The following SSRP1 variants were observed in gnomAD, a reference collection of about 807,000 sequenced individuals.
SSRP1 encodes the protein structure specific recognition protein 1.
SSRP1 carries 21 observed loss-of-function variants against 84.4 expected under a neutral mutation model. The observed-to-expected ratio is 0.25, with a 90% CI of 0.18 to 0.36. The LOEUF (loss-of-function observed/expected upper bound fraction) is 0.36, where lower values mean the gene tolerates loss of function less well. SSRP1 is among the 10% of genes least tolerant of loss of function. SSRP1 has a pLI of 1.00. For synonymous variants in SSRP1, 319 were observed against 318.3 expected, an observed-to-expected ratio of 1.00 and a Z score of -0.02; for missense variants, 519 against 900.8, an observed-to-expected ratio of 0.58 and a Z score of 5.43.
Position 57,332,004 on chromosome 11 carries a change from GTTCTGACAGAGGC to G in SSRP1, c.1002-128_1002-116del. 1.3e-6 allele frequency: 2 copies of G among 1,505,480 alleles called. No individual in the cohort carries two copies. The highest frequency in any genetic ancestry group is 2.8e-5 in the African/African-American group (2 of 72,496). 93.3% of individuals were successfully genotyped at this position (1,505,480 alleles called of 1,614,324 possible). ...TCGACTAAGTAAACCTCACTGAGCT[GTTCTGACAGAGGC>G]GCTGGCACCTATTGTGACACAAGGT... On this transcript the variant is annotated intron_variant, in intron 8 of 16. Coordinates refer to ENST00000278412, the MANE Select transcript of SSRP1 (RefSeq NM_003146.3). This position sits in a 1 kb window ranked among gnomAD's most constrained non-coding sequence, Gnocchi z 5.5.
At chr11:57,327,368 T>TAAA in intron 15 of SSRP1, 58 bp downstream of exon 15, 2 of 1,299,340 alleles carry the variant, frequency 1.5e-6, no homozygotes, top group South Asian at 1.3e-5. Flanking sequence ...TTCGGCCTGT[T>TAAA]AAAAAAAAAA....
At position 57,327,474 on chromosome 11, in the gene SSRP1, T is replaced by C; in HGVS notation, c.1823A>G (p.Glu608Gly). 6.2e-7 allele frequency: 1 copy of C among 1,614,146 alleles called. No individual in the cohort carries two copies. The highest frequency in any genetic ancestry group is 8.5e-7 in the Non-Finnish European group (1 of 1,180,042). The change falls in exon 15 of 17, where the codon GAA becomes GGA. Residue 608 changes from glutamate to glycine, a missense_variant. By Grantham distance (98) the Glu-to-Gly change is moderately conservative (BLOSUM62 -2). Coordinates refer to ENST00000278412, the MANE Select transcript of SSRP1 (RefSeq NM_003146.3). ...RKAEDARRDY[E>G]KAMKEYEGGR... is the part of the protein sequence containing the mutation. ...CCCTTCATATTCTTTCATGGCTTTT[T>C]CATAGTCCCTCCTGGCATCCTCAGC...
At chr11:57,331,926 C>G (rs781670957) in intron 8 of SSRP1, 37 bp from the exon 9 acceptor site, 1 of 1,582,308 alleles carries the variant, frequency 6.3e-7, no homozygotes, top group Non-Finnish European at 8.6e-7. Context: ...TAGTGCCAAC[C>G]TCAGCAGAGG....
At position 57,330,047 on chromosome 11, in the gene SSRP1, C is replaced by G. The variant is rs759114441; in HGVS notation, c.1481+46G>C. 6.2e-7 allele frequency: 1 copy of G among 1,612,256 alleles called. No individual in the cohort carries two copies. The highest frequency in any genetic ancestry group is 1.3e-5 in the African/African-American group (1 of 74,896). Reference sequence around the variant, plus strand: ...TCCAGAAATCTTCTGGTCCCTTAAGCTTATGGGTCACCATCTTATCCCCAC... The same window carrying G: ...TCCAGAAATCTTCTGGTCCCTTAAGGTTATGGGTCACCATCTTATCCCCAC... On this transcript the variant is annotated intron_variant, in intron 12 of 16. Coordinates refer to ENST00000278412, the MANE Select transcript of SSRP1 (RefSeq NM_003146.3). This position sits in a 1 kb window ranked among gnomAD's most constrained non-coding sequence, Gnocchi z 4.0.
In SSRP1 at chr11:57,326,364, G is replaced by C; in HGVS notation, c.*43C>G. ...GTACCAAAATATGGGTGGGGAGTCGGGGGGTGTGAGAAGGCAAGCGCAAAG... is the reference window on the plus strand; with the variant it reads ...GTACCAAAATATGGGTGGGGAGTCGCGGGGTGTGAGAAGGCAAGCGCAAAG... On this transcript the variant is annotated 3_prime_UTR_variant, in exon 17 of 17. Transcript: ENST00000278412. The C allele has an allele frequency of 1.9e-6, 3 of 1,588,552 alleles. No homozygotes were observed. The highest frequency in any genetic ancestry group is 2.6e-6 in the Non-Finnish European group (3 of 1,157,660).
chr11:57,334,370 A>T, intron 3 of SSRP1, 93 bp downstream of exon 3: 1 of 1,464,522 alleles, frequency 6.8e-7, no homozygotes. Flanking sequence ...ACTAGCAATC[A>T]CAGGGTTACA....
Position 57,332,513 on chromosome 11 carries a change from C to T in SSRP1, c.769-27G>A. On this transcript the variant is annotated intron_variant, in intron 6 of 16. Coordinates refer to ENST00000278412, the MANE Select transcript of SSRP1 (RefSeq NM_003146.3). The surrounding 1 kb of genome is among the most constrained non-coding windows in gnomAD (Gnocchi z 5.5). ...TAGTAAGGAAGAGTACTAATTGACA[C>T]TCTACAACAACTTGCAATTAACCAA... is the stretch of plus-strand genomic sequence containing the variant. The T allele has an allele frequency of 6.2e-7, 1 of 1,612,492 alleles. No individual in the cohort carries two copies. Among genetic ancestry groups the T allele is most frequent in the South Asian group, 1.1e-5 (1 of 91,024 alleles).
rs1856071783 is a variant in SSRP1, at chr11:57,330,712, G to A, written c.1296+143C>T. The A allele has an allele frequency of 2.0e-6, 3 of 1,494,832 alleles. No individual in the cohort carries two copies. Among genetic ancestry groups the A allele is most frequent in the East Asian group, 2.4e-5 (1 of 40,846 alleles). The allele number at this position is 1,494,832 out of a possible 1,614,324, so 92.6% of individuals were successfully genotyped here. ...CATGCAGAGGAAACCTGCACCAGGAGGGGGAAAGGGTCACACGCACCTCTT... is the reference window on the plus strand; with the variant it reads ...CATGCAGAGGAAACCTGCACCAGGAAGGGGAAAGGGTCACACGCACCTCTT... On this transcript the variant is annotated intron_variant, in intron 10 of 16. Transcript: ENST00000278412. This position sits in a 1 kb window ranked among gnomAD's most constrained non-coding sequence, Gnocchi z 4.0.
chr11:57,326,962 T>TA (rs1486023308), intron 15 of SSRP1, 73 bp from the exon 16 acceptor site: 4 of 1,466,238 alleles, frequency 2.7e-6, no homozygotes, highest in Non-Finnish European at 2.7e-6. Flanking sequence ...CTCCCAGCTT[T>TA]AACAAGGCCT....
At chr11:57,327,076 A>G in intron 15 of SSRP1, 187 bp from the exon 16 acceptor site, 1 of 1,156,500 alleles carries the variant, frequency 8.6e-7, no homozygotes, top group Non-Finnish European at 1.2e-6. Context: ...GAAGAATCAG[A>G]GGGCACAGCC....
chr11:57,329,884 C>A, intron 12 of SSRP1: 1 of 647,708 alleles, frequency 1.5e-6, no homozygotes, highest in Non-Finnish European at 2.7e-6. Flanking sequence ...CCATAGATCC[C>A]ACTATACTTT....
chr11:57,332,103 G>A lies in SSRP1; in HGVS notation c.1001+49C>T, dbSNP rs771120591. ...CAGGAAGGGTTTACCAAGGAGACACGGCATTTCCCATACCCAGGCAGGGCA... is the reference window on the plus strand; with the variant it reads ...CAGGAAGGGTTTACCAAGGAGACACAGCATTTCCCATACCCAGGCAGGGCA... On this transcript the variant is annotated intron_variant, in intron 8 of 16. Coordinates refer to ENST00000278412, the MANE Select transcript of SSRP1 (RefSeq NM_003146.3). The surrounding 1 kb of genome is among the most constrained non-coding windows in gnomAD (Gnocchi z 5.5). The A allele has an allele frequency of 5.0e-6, 8 of 1,611,004 alleles. No homozygotes were observed. Among genetic ancestry groups the A allele is most frequent in the African/African-American group, 2.7e-5 (2 of 74,934 alleles).
Position 57,335,014 on chromosome 11 carries a change from A to G in SSRP1, c.54+54T>C. 1 of 1,595,806 alleles carries G rather than the reference A, an allele frequency of 6.3e-7. No individual in the cohort carries two copies. The highest frequency in any genetic ancestry group is 8.6e-7 in the Non-Finnish European group (1 of 1,163,860). On this transcript the variant is annotated intron_variant, in intron 2 of 16. Transcript: ENST00000278412. This position sits in a 1 kb window ranked among gnomAD's most constrained non-coding sequence, Gnocchi z 4.6. ...AGCAAGCTCTCATTAATGGACAAAA[A>G]CTCTACCCTCCTTCCTTCTCTCTAC...
chr11:57,335,355 G>A lies in SSRP1; in HGVS notation c.-119-115C>T, dbSNP rs1033186277. ...GGATGTCTCAGGATTTCCTCTGCCT[G>A]GAAACCTACAGACGGACGCTGCAGT... On this transcript the variant is annotated intron_variant, in intron 1 of 16. Coordinates refer to ENST00000278412, the MANE Select transcript of SSRP1 (RefSeq NM_003146.3). The surrounding 1 kb of genome is among the most constrained non-coding windows in gnomAD (Gnocchi z 4.6). 4.9e-5 allele frequency: 25 copies of A among 511,680 alleles called. No homozygotes were observed. The highest frequency in any genetic ancestry group is 4.7e-4 in the African/African-American group (24 of 51,352). The allele number at this position is 511,680 out of a possible 1,614,324, so 31.7% of individuals were successfully genotyped here.
rs1856208830 is a variant in SSRP1, at chr11:57,335,857, T to G, written c.-247A>C. On this transcript the variant is annotated 5_prime_UTR_variant, in exon 1 of 17. Transcript: ENST00000278412. The surrounding 1 kb of genome is among the most constrained non-coding windows in gnomAD (Gnocchi z 4.6). ...CTTTTCCCGCGTGCGCGGCCCCGCGTCCCGCCACCGGAAGCCGTACACAGG... is the reference window on the plus strand; with the variant it reads ...CTTTTCCCGCGTGCGCGGCCCCGCGGCCCGCCACCGGAAGCCGTACACAGG... The G allele has an allele frequency of 6.6e-6, 1 of 152,126 alleles. No homozygotes were observed. The highest frequency in any genetic ancestry group is 2.1e-4 in the South Asian group (1 of 4,796). The allele number at this position is 152,126 out of a possible 1,614,324, so 9.4% of individuals were successfully genotyped here.
rs971793700 is a variant in SSRP1 at position 57,327,176 on chromosome 11, A to AT, written c.1871+249dup. The AT allele has an allele frequency of 1.1e-4, 71 of 657,082 alleles. No individual in the cohort carries two copies. In the African/African-American group the frequency reaches 1.2e-3, roughly 11 times the overall value. The allele number at this position is 657,082 out of a possible 1,614,324, so 40.7% of individuals were successfully genotyped here. On this transcript the variant is annotated intron_variant, in intron 15 of 16. Coordinates refer to ENST00000278412, the MANE Select transcript of SSRP1 (RefSeq NM_003146.3). ...ACTGTGCACTGCACTCCATAATAGT[A>AT]TTTTTTTCGTTCCCCCATACCTTCA...
At chr11:57,334,427 A>G (rs1039992575) in intron 3 of SSRP1, 36 bp downstream of exon 3, 3 of 1,599,690 alleles carry the variant, frequency 1.9e-6, no homozygotes, top group Non-Finnish European at 2.6e-6. Context: ...AAGAAGATGC[A>G]GTAAAAAGGA....
chr11:57,334,887 G>A (rs866103586), intron 2 of SSRP1, among the ~76,000 whole-genome samples, 181 bp downstream of exon 2: 1 of 152,266 alleles, frequency 6.6e-6, no homozygotes, highest in Non-Finnish European at 1.5e-5. Flanking sequence ...AGCATATACG[G>A]TCCCTATAAC....
chr11:57,333,812 C>A (rs139255438), intron 3 of SSRP1, among the ~76,000 whole-genome samples: 1 of 152,248 alleles, frequency 6.6e-6, no homozygotes, highest in East Asian at 1.9e-4. Flanking sequence ...TCAAATAAAG[C>A]CTTTAACTCA....
Sources: allele counts gnomAD v4.1 joint callset (sites outside exome capture counted in the v4.1 genomes callset), GRCh38; gene constraint gnomAD v4.1.1; non-coding constraint Gnocchi (gnomAD v3.1); transcripts MANE v1.5; gene names NCBI Gene and HGNC (gene_info 2026-07-23, HGNC 2026-07-21).